EYA2: variants seen among roughly 807,000 people sequenced by gnomAD.
EYA2 encodes EYA transcriptional coactivator and phosphatase 2, also known as protein phosphatase EYA2.
A neutral mutation model predicts 69.2 loss-of-function variants in EYA2; 31 were observed. The ratio of observed to expected loss-of-function variants is 0.45; its 90% CI spans 0.34 to 0.60. EYA2 has a LOEUF of 0.60. Among genes scored for constraint, EYA2 ranks in the 20% least tolerant of loss-of-function variants. The pLI, the probability that EYA2 is intolerant of heterozygous loss-of-function variation, is 0.02. For missense variants in EYA2, 622 were observed against 701.2 expected (o/e 0.89, Z 1.28); for synonymous variants, 257 against 279.4 (o/e 0.92, Z 0.80).
intron 1 of EYA2, among the ~76,000 whole-genome samples, chr20:46,940,201 A>G (rs1461723173): frequency 2.0e-5 from 3 of 152,254 alleles, no homozygotes; most frequent in Non-Finnish European, 4.4e-5. Context: ...AAGAATGTGC[A>G]GGAACACAAG....
intron 5 of EYA2, among the ~76,000 whole-genome samples, chr20:47,034,059 C>T (rs2146402395): frequency 6.6e-6 from 1 of 152,328 alleles, no homozygotes; most frequent in African/African-American, 2.4e-5. Context: ...CTATTTGATG[C>T]TGATATATCT....
intron 1 of EYA2, among the ~76,000 whole-genome samples, chr20:46,987,646 G>A (rs1372001779): frequency 6.6e-6 from 1 of 152,056 alleles, no homozygotes; most frequent in East Asian, 1.9e-4. Context: ...CGGGGAGTGG[G>A]GCAAGCACAG....
chr20:46,927,943 A>T (rs2146246447), intron 1 of EYA2, among the ~76,000 whole-genome samples: 1 of 152,356 alleles, frequency 6.6e-6, no homozygotes, highest in South Asian at 2.1e-4. Context: ...GACCCGAATC[A>T]ATAGAACACT....
At chr20:47,054,038 A>G (rs2030477115) in intron 5 of EYA2, among the ~76,000 whole-genome samples, 1 of 152,140 alleles carries the variant, frequency 6.6e-6, no homozygotes, top group Non-Finnish European at 1.5e-5. Flanking sequence ...TGTGGTCATG[A>G]GGATTAAATT....
At chr20:47,048,609 A>C (rs66595370) in intron 5 of EYA2, among the ~76,000 whole-genome samples, 3 of 151,986 alleles carry the variant, frequency 2.0e-5, no homozygotes, top group Non-Finnish European at 2.9e-5. Flanking sequence ...GGTGGCATGC[A>C]CCTTTTAATC....
intron 2 of EYA2, among the ~76,000 whole-genome samples, chr20:46,990,502 G>A (rs1192740061): frequency 1.3e-5 from 2 of 152,198 alleles, no homozygotes; most frequent in East Asian, 1.9e-4. Flanking sequence ...CCTTGTCCAA[G>A]CAGGCGTCTT....
At position 47,166,393 on chromosome 20, in the gene EYA2, T is replaced by TTAAAAAAAAAAAAAAAA. The variant is rs1555806208; in HGVS notation, c.979-2746_979-2745insTAAAAAAAAAAAAAAAA. 4.1e-4 allele frequency among the ~76,000 whole-genome samples: 14 copies of TTAAAAAAAAAAAAAAAA among 34,522 alleles called. 1 individual carries two copies. Among genetic ancestry groups the TTAAAAAAAAAAAAAAAA allele is most frequent in the Non-Finnish European group, 5.6e-4 (8 of 14,304 alleles). The allele number at this position is 34,522 out of a possible 152,430, so 22.6% of individuals were successfully genotyped here. A position where few individuals can be genotyped will look rare whatever the true frequency, so the allele number is the denominator to read the frequency against. On this transcript the variant is annotated intron_variant, in intron 10 of 15. Coordinates refer to ENST00000327619, the MANE Select transcript of EYA2 (RefSeq NM_005244.5). ...GCTTGGGTGACAGAGCAAGACTGTC[T>TTAAAAAAAAAAAAAAAA]AAAAAAAAAAAAAAAAAAAAAAAAA... is the stretch of plus-strand genomic sequence containing the variant.
At chr20:47,092,403 G>T (rs1031427677) in intron 8 of EYA2, among the ~76,000 whole-genome samples, 17 of 152,194 alleles carry the variant, frequency 1.1e-4, no homozygotes, top group African/African-American at 4.1e-4. Context: ...AATCCCTTCA[G>T]TGGGTTTAGG....
At chr20:46,896,999 C>T (rs1983844337) in intron 1 of EYA2, among the ~76,000 whole-genome samples, 1 of 134,902 alleles carries the variant, frequency 7.4e-6, no homozygotes, top group African/African-American at 2.7e-5. Flanking sequence ...ATGTGTATCT[C>T]AATACTTTAG....
chr20:46,977,962 A>G (rs2146308306), intron 1 of EYA2, among the ~76,000 whole-genome samples: 1 of 152,128 alleles, frequency 6.6e-6, no homozygotes, highest in Admixed American at 6.5e-5. Context: ...GCTGATTCCT[A>G]CTCTAATTTT....
chr20:47,014,777 T>C (rs1983311407), intron 4 of EYA2, among the ~76,000 whole-genome samples: 1 of 152,062 alleles, frequency 6.6e-6, no homozygotes, highest in Non-Finnish European at 1.5e-5. Flanking sequence ...TATACACATT[T>C]GTTGCATGTG....
intron 9 of EYA2, among the ~76,000 whole-genome samples, chr20:47,142,765 T>C (rs940953405): frequency 2.0e-5 from 3 of 152,260 alleles, no homozygotes; most frequent in African/African-American, 4.8e-5. Flanking sequence ...ATATCATATC[T>C]GTGATAAGTG....
intron 15 of EYA2, among the ~76,000 whole-genome samples, chr20:47,185,733 G>A (rs2034627106): frequency 6.6e-6 from 1 of 152,216 alleles, no homozygotes; most frequent in Non-Finnish European, 1.5e-5. Context: ...TTGAAGAGAT[G>A]AGAGCTGTTC....
chr20:47,067,484 G>A (rs6066189), intron 5 of EYA2, among the ~76,000 whole-genome samples: 2 of 151,424 alleles, frequency 1.3e-5, no homozygotes, highest in African/African-American at 4.9e-5. Flanking sequence ...AAATGCTTGA[G>A]GTGATGGATA....
chr20:47,141,038 T>A (rs1021239063), intron 9 of EYA2, among the ~76,000 whole-genome samples: 5 of 152,148 alleles, frequency 3.3e-5, no homozygotes, highest in Non-Finnish European at 7.3e-5. Context: ...CCCAAACACC[T>A]CCTACTAGGC....
intron 2 of EYA2, among the ~76,000 whole-genome samples, chr20:46,994,452 GT>G (rs1461105022): frequency 1.3e-5 from 2 of 152,130 alleles, no homozygotes; most frequent in African/African-American, 4.8e-5. Context: ...TAATCTCATT[GT>G]TTCCAAGGAG....
intron 1 of EYA2, among the ~76,000 whole-genome samples, chr20:46,983,054 T>G (rs1478792736): frequency 1.3e-5 from 2 of 152,178 alleles, no homozygotes; most frequent in Non-Finnish European, 2.9e-5. Flanking sequence ...ATTACAGATG[T>G]GAGCCACCAC....
At chr20:47,050,211 G>A (rs1391486369) in intron 5 of EYA2, among the ~76,000 whole-genome samples, 1 of 152,174 alleles carries the variant, frequency 6.6e-6, no homozygotes, top group African/African-American at 2.4e-5. Context: ...CGGAGAGCTT[G>A]GCTTTCTCTC....
intron 2 of EYA2, among the ~76,000 whole-genome samples, chr20:46,990,872 C>T (rs1294905880): frequency 2.0e-5 from 3 of 152,124 alleles, no homozygotes; most frequent in Admixed American, 1.3e-4. Flanking sequence ...ATGTAACTGT[C>T]GTGGAAAACC....
Sources: allele counts gnomAD v4.1 joint callset (sites outside exome capture counted in the v4.1 genomes callset), GRCh38; gene constraint gnomAD v4.1.1; transcripts MANE v1.5; gene names NCBI Gene and HGNC (gene_info 2026-07-23, HGNC 2026-07-21).